RAP1GDS1: variants seen among roughly 807,000 people sequenced by gnomAD.
The protein encoded by RAP1GDS1 is Rap1 GTPase-GDP dissociation stimulator 1.
In RAP1GDS1, 35 loss-of-function variants were observed where a neutral mutation model predicts 71.1. That is an observed-to-expected ratio of 0.49 (90% confidence interval 0.38 to 0.65). The LOEUF (loss-of-function observed/expected upper bound fraction) is 0.65. Ranked by LOEUF, RAP1GDS1 falls within the 30% of genes least tolerant of loss-of-function variation. The pLI, the probability that RAP1GDS1 is intolerant of heterozygous loss-of-function variation, is 0.00. For synonymous variants in RAP1GDS1, 229 were observed against 243.1 expected, an observed-to-expected ratio of 0.94 and a Z score of 0.54; for missense variants, 663 against 706.1, an observed-to-expected ratio of 0.94 and a Z score of 0.69.
chr4:98,292,058 T>C (rs1269341511), intron 1 of RAP1GDS1, among the ~76,000 whole-genome samples: 1 of 152,194 alleles, frequency 6.6e-6, no homozygotes, highest in Non-Finnish European at 1.5e-5. Context: ...TTAACCAAGA[T>C]TGAATACAGA....
At chr4:98,288,307 T>G (rs1054257194) in intron 1 of RAP1GDS1, among the ~76,000 whole-genome samples, 1 of 152,178 alleles carries the variant, frequency 6.6e-6, no homozygotes, top group African/African-American at 2.4e-5. Context: ...TTGCCATAGT[T>G]TGCTGAGAAT....
At chr4:98,414,453 C>T (rs1207559147) in intron 7 of RAP1GDS1, among the ~76,000 whole-genome samples, 1 of 145,992 alleles carries the variant, frequency 6.8e-6, no homozygotes, top group Non-Finnish European at 1.5e-5. Flanking sequence ...GTTTTCCCAG[C>T]ACCATTTATT....
At chr4:98,309,797 TA>T (rs1342113971) in intron 2 of RAP1GDS1, among the ~76,000 whole-genome samples, 1 of 151,924 alleles carries the variant, frequency 6.6e-6, no homozygotes, top group Non-Finnish European at 1.5e-5. Context: ...TATTCTCTCT[TA>T]AATCTCTAAT....
intron 11 of RAP1GDS1, 115 bp downstream of exon 11, chr4:98,420,259 A>T (rs1748625481): frequency 9.4e-7 from 1 of 1,065,592 alleles, no homozygotes; most frequent in African/African-American, 1.7e-5. Context: ...AAAAATAGCA[A>T]ATAAAAGATT....
intron 2 of RAP1GDS1, among the ~76,000 whole-genome samples, chr4:98,319,778 C>CAA (rs35696332): frequency 0.036 from 2,798 of 78,572 alleles, 45 homozygotes; most frequent in Non-Finnish European, 0.059. Flanking sequence ...GAGAATGTCT[C>CAA]AAAAAAAAAA....
At chr4:98,319,385 A>G (rs1182935995) in intron 2 of RAP1GDS1, among the ~76,000 whole-genome samples, 1 of 152,214 alleles carries the variant, frequency 6.6e-6, no homozygotes, top group Non-Finnish European at 1.5e-5. Flanking sequence ...GATATATGGT[A>G]TAGGTTTCCT....
At chr4:98,320,480 C>G (rs1221329878) in intron 2 of RAP1GDS1, among the ~76,000 whole-genome samples, 1 of 152,200 alleles carries the variant, frequency 6.6e-6, no homozygotes, top group Non-Finnish European at 1.5e-5. Context: ...GTCTACAGCT[C>G]CCAGCGTGAG....
chr4:98,351,867 T>C (rs1364595556), intron 3 of RAP1GDS1, among the ~76,000 whole-genome samples: 1 of 152,068 alleles, frequency 6.6e-6, no homozygotes, highest in African/African-American at 2.4e-5. Context: ...GCAGCAGATA[T>C]GAGTGAGCCA....
At chr4:98,402,352 A>G (rs1745546926) in intron 6 of RAP1GDS1, among the ~76,000 whole-genome samples, 1 of 152,110 alleles carries the variant, frequency 6.6e-6, no homozygotes, top group African/African-American at 2.4e-5. Flanking sequence ...GATTGCAGGG[A>G]TGAGCCACCA....
chr4:98,422,717 G>T (rs922510596), intron 12 of RAP1GDS1, among the ~76,000 whole-genome samples: 1 of 152,166 alleles, frequency 6.6e-6, no homozygotes, highest in African/African-American at 2.4e-5. Context: ...TAAATAATTG[G>T]CTTCACCATA....
At chr4:98,416,168 C>G (rs1487183329) in intron 7 of RAP1GDS1, among the ~76,000 whole-genome samples, 1 of 151,952 alleles carries the variant, frequency 6.6e-6, no homozygotes, top group African/African-American at 2.4e-5. Context: ...GCTTTCAGAG[C>G]TGAGTATCAA....
chr4:98,312,307 A>G (rs559208971), intron 2 of RAP1GDS1, among the ~76,000 whole-genome samples: 3 of 151,912 alleles, frequency 2.0e-5, no homozygotes, highest in African/African-American at 7.3e-5. Context: ...TTATGAGGGG[A>G]TCTGTTTCAT....
At chr4:98,265,421 A>G (rs1198666337) in intron 1 of RAP1GDS1, among the ~76,000 whole-genome samples, 2 of 152,194 alleles carry the variant, frequency 1.3e-5, no homozygotes, top group Non-Finnish European at 2.9e-5. Flanking sequence ...GGACGTTGTC[A>G]TATTAGGATT....
chr4:98,321,567 G>A (rs1731899847), intron 2 of RAP1GDS1, among the ~76,000 whole-genome samples: 1 of 151,052 alleles, frequency 6.6e-6, no homozygotes. Flanking sequence ...ACTAACAGCG[G>A]ATCTCTCGGC....
intron 13 of RAP1GDS1, among the ~76,000 whole-genome samples, chr4:98,435,198 T>TA (rs75375393): frequency 0.066 from 10,055 of 152,232 alleles, 379 homozygotes; most frequent in Admixed American, 0.13. Context: ...CTTAGATCCA[T>TA]AATTCTCACA....
At chr4:98,318,623 G>C (rs143341601) in intron 2 of RAP1GDS1, among the ~76,000 whole-genome samples, 301 of 152,266 alleles carry the variant, frequency 2.0e-3, no homozygotes, top group African/African-American at 7.1e-3. Flanking sequence ...TTGACCTTCT[G>C]GGGATATGTC....
intron 2 of RAP1GDS1, among the ~76,000 whole-genome samples, chr4:98,294,818 A>AT (rs898031545): frequency 2.6e-5 from 4 of 151,718 alleles, no homozygotes; most frequent in South Asian, 2.1e-4. Context: ...CGATGACCTG[A>AT]TTTTTTTTTA....
chr4:98,341,470 C>A (rs574454475), intron 2 of RAP1GDS1, among the ~76,000 whole-genome samples: 1 of 152,308 alleles, frequency 6.6e-6, no homozygotes, highest in East Asian at 1.9e-4. Flanking sequence ...ATGAGACATG[C>A]ATGGGTGATT....
chr4:98,416,788 TCTA>T lies in RAP1GDS1; in HGVS notation c.811_813del (p.Leu271del). On this transcript the variant is annotated inframe_deletion, in exon 8 of 15. Coordinates refer to ENST00000408927, the MANE Select transcript of RAP1GDS1 (RefSeq NM_001100427.2). ...TGGTTGAAGCAGGCCTAGTAGAGTG[TCTA>T]CTAGAGATTGTTCAGCAAAAAGTGG... 1.2e-6 allele frequency: 2 copies of T among 1,611,256 alleles called. No individual in the cohort carries two copies. Among genetic ancestry groups the T allele is most frequent in the Non-Finnish European group, 1.7e-6 (2 of 1,177,444 alleles).
Sources: gnomAD v4.1 joint callset for allele counts (sites outside exome capture counted in the v4.1 genomes callset) on GRCh38, gnomAD v4.1.1 for gene constraint, MANE v1.5 for transcripts, NCBI Gene and HGNC (gene_info 2026-07-23, HGNC 2026-07-21) for gene names.